Variants in ATP9A observed in about 807,000 individuals in gnomAD.
ATP9A encodes the protein ATPase phospholipid transporting 9A, also known as probable phospholipid-transporting ATPase IIA.
In ATP9A, 52 loss-of-function variants were observed where a neutral mutation model predicts 144.1. The ratio of observed to expected loss-of-function variants is 0.36; its 90% CI spans 0.29 to 0.45. ATP9A has a LOEUF of 0.45. ATP9A is among the 20% of genes least tolerant of loss of function. The pLI, the probability that ATP9A is intolerant of heterozygous loss-of-function variation, is 1.00. For synonymous variants in ATP9A, 582 were observed against 557.4 expected (o/e 1.04, Z -0.62); for missense variants, 947 against 1,392.7 (o/e 0.68, Z 5.09).
At chr20:51,736,380 C>G (rs2077762645) in intron 1 of ATP9A, among the ~76,000 whole-genome samples, 1 of 152,082 alleles carries the variant, frequency 6.6e-6, no homozygotes, top group Non-Finnish European at 1.5e-5. Flanking sequence ...TTTAAAAGGT[C>G]CCCCAGGCCA....
intron 1 of ATP9A, among the ~76,000 whole-genome samples, chr20:51,759,796 C>A (rs1368816420): frequency 1.3e-5 from 2 of 152,158 alleles, no homozygotes; most frequent in East Asian, 3.8e-4. Context: ...CACACACCCA[C>A]CCCACTATAT....
At chr20:51,759,695 T>C (rs1029268560) in intron 1 of ATP9A, among the ~76,000 whole-genome samples, 7 of 151,644 alleles carry the variant, frequency 4.6e-5, no homozygotes, top group East Asian at 1.9e-4. Context: ...TAATAATAAA[T>C]AAAATTAAAA....
intron 25 of ATP9A, 106 bp downstream of exon 25, chr20:51,608,412 G>C: frequency 1.3e-6 from 1 of 775,812 alleles, no homozygotes; most frequent in Non-Finnish European, 2.3e-6. Flanking sequence ...ATCAGAATTG[G>C]AGGGTCTGTG....
At position 51,670,129 on chromosome 20, in the gene ATP9A, A is replaced by T. The variant is rs759555358; in HGVS notation, c.1181-20T>A. On this transcript the variant is annotated intron_variant, in intron 12 of 27. Transcript: ENST00000338821. The stretch of plus-strand genomic sequence containing the variant: ...GAGTGCCTAAAACACAAGACAAATG[A>T]GTGGCCGGCCTGTCTCTCAGGATGT... 1.5e-5 allele frequency: 24 copies of T among 1,572,134 alleles called. No homozygotes were observed. The highest frequency in any genetic ancestry group is 2.0e-5 in the Non-Finnish European group (23 of 1,141,884).
intron 9 of ATP9A, among the ~76,000 whole-genome samples, chr20:51,678,266 G>A (rs1393907881): frequency 2.0e-5 from 3 of 152,050 alleles, no homozygotes; most frequent in African/African-American, 7.2e-5. Context: ...CAAGCAATTT[G>A]GTCTCTGCCA....
At chr20:51,682,883 G>A (rs8122903) in intron 9 of ATP9A, among the ~76,000 whole-genome samples, 38,715 of 146,720 alleles carry the variant, frequency 0.26, 5,964 homozygotes, top group African/African-American at 0.43. Flanking sequence ...CTGAGTCACC[G>A]CATTCAAGAC....
intron 8 of ATP9A, 30 bp from the exon 9 acceptor site, chr20:51,689,169 C>G (rs761546499): frequency 6.2e-6 from 10 of 1,603,488 alleles, no homozygotes; most frequent in Non-Finnish European, 8.5e-6. Context: ...CACACGTTCA[C>G]CCCCCAAAGC....
At chr20:51,632,231 AC>A (rs1228126329) in intron 15 of ATP9A, among the ~76,000 whole-genome samples, 1 of 152,024 alleles carries the variant, frequency 6.6e-6, no homozygotes, top group African/African-American at 2.4e-5. Context: ...ACAGGTGTGC[AC>A]CACCATGCCC....
intron 1 of ATP9A, among the ~76,000 whole-genome samples, chr20:51,740,980 G>A (rs868293149): frequency 1.3e-4 from 19 of 151,340 alleles, no homozygotes; most frequent in South Asian, 8.3e-4. Flanking sequence ...CACCTTGGCG[G>A]CTTCTACCAC....
intron 9 of ATP9A, among the ~76,000 whole-genome samples, chr20:51,680,407 T>C (rs912410462): frequency 6.6e-6 from 1 of 152,038 alleles, no homozygotes; most frequent in African/African-American, 2.4e-5. Context: ...TCTCACCTTC[T>C]AAGAGGTGGC....
intron 2 of ATP9A, among the ~76,000 whole-genome samples, chr20:51,727,786 C>T (rs1249931689): frequency 6.6e-6 from 1 of 151,782 alleles, no homozygotes; most frequent in East Asian, 1.9e-4. Context: ...AAAAAAGTAG[C>T]CGGACATGGG....
chr20:51,678,944 C>A (rs1376418261), intron 9 of ATP9A, among the ~76,000 whole-genome samples: 2 of 152,180 alleles, frequency 1.3e-5, no homozygotes, highest in African/African-American at 2.4e-5. Context: ...GACGCACACA[C>A]CGGATGCGCC....
In ATP9A at chr20:51,607,599, G is replaced by C; in HGVS notation, c.2746-15C>G. On this transcript the variant is annotated splice_polypyrimidine_tract_variant and intron_variant, in intron 25 of 27. Transcript: ENST00000338821. ...AACGGCCGTCCCTGAATGAGAGACA[G>C]AGAAAGGTTAGAGCCGGTTTCGCGG... The C allele has an allele frequency of 6.2e-7, 1 of 1,610,030 alleles. No homozygotes were observed. Among genetic ancestry groups the C allele is most frequent in the Non-Finnish European group, 8.5e-7 (1 of 1,176,520 alleles).
In ATP9A at chr20:51,597,945, C is replaced by T. The variant is rs1267205549; in HGVS notation, c.*3266G>A. The T allele has an allele frequency of 2.0e-5, 3 of 151,892 alleles. No homozygotes were observed. In the East Asian group the frequency reaches 5.8e-4, roughly 29 times the overall value. 9.4% of individuals were successfully genotyped at this position (151,892 alleles called of 1,614,324 possible). A position where few individuals can be genotyped will look rare whatever the true frequency, so the allele number is the denominator to read the frequency against. ...GAACTGGGATGGGAATTTTACAATG[C>T]TAGTTCCAGCACGTGGTCTAATGGC... is the stretch of plus-strand genomic sequence containing the variant. On this transcript the variant is annotated 3_prime_UTR_variant, in exon 28 of 28. Coordinates refer to ENST00000338821, the MANE Select transcript of ATP9A (RefSeq NM_006045.3).
In ATP9A at chr20:51,600,133, G is replaced by A. The variant is rs889906526; in HGVS notation, c.*1078C>T. 6.6e-6 allele frequency: 1 copy of A among 152,208 alleles called. No individual in the cohort carries two copies. The highest frequency in any genetic ancestry group is 1.5e-5 in the Non-Finnish European group (1 of 68,042). 9.4% of individuals were successfully genotyped at this position (152,208 alleles called of 1,614,324 possible). A position where few individuals can be genotyped will look rare whatever the true frequency, so the allele number is the denominator to read the frequency against. Reference sequence around the variant, plus strand: ...TAGCTTGGGCGTCCTCCCACCAGGGGTTCCTTGTTCTGAAAGCTGCCACCA... The same window carrying A: ...TAGCTTGGGCGTCCTCCCACCAGGGATTCCTTGTTCTGAAAGCTGCCACCA... On this transcript the variant is annotated 3_prime_UTR_variant, in exon 28 of 28. Coordinates refer to ENST00000338821, the MANE Select transcript of ATP9A (RefSeq NM_006045.3).
At chr20:51,672,697 A>G (rs545620383) in intron 11 of ATP9A, among the ~76,000 whole-genome samples, 2 of 152,356 alleles carry the variant, frequency 1.3e-5, no homozygotes, top group Admixed American at 6.5e-5. Flanking sequence ...AAGACAGAGT[A>G]TAAGCACTAA....
chr20:51,671,726 C>T (rs1487573948), intron 11 of ATP9A, among the ~76,000 whole-genome samples: 4 of 152,062 alleles, frequency 2.6e-5, no homozygotes, highest in Non-Finnish European at 4.4e-5. Flanking sequence ...TCAACAATAA[C>T]GCCCCATCCC....
chr20:51,728,836 A>G (rs1221971784), intron 2 of ATP9A, among the ~76,000 whole-genome samples: 1 of 151,786 alleles, frequency 6.6e-6, no homozygotes, highest in African/African-American at 2.4e-5. Context: ...CTATCACTCA[A>G]TATCTAACAC....
rs1429308006 is a variant in ATP9A, at chr20:51,639,367, G to C, written c.1644C>G (p.Ser548Arg). 1 of 1,613,732 alleles carries C rather than the reference G, an allele frequency of 6.2e-7. No individual in the cohort carries two copies. The highest frequency in any genetic ancestry group is 2.2e-5 in the East Asian group (1 of 44,870). Residue 548 changes from serine (S) to arginine (R), a missense_variant, in exon 15 of 28, where the codon AGC (serine) becomes AGG (arginine). By Grantham distance (110) the Ser-to-Arg change is moderately radical. This residue lies in a region of ATP9A where 770 missense variants were observed against 1,047.9 expected (regional missense o/e 0.73). Transcript: ENST00000338821. ...CCCGCACGATGATGCCCATACGTTT[G>C]CTTTCATAGGTGAAAGGGAAGATCT... ...ILQIFPFTYESKRMGIIVRDE... is the reference protein window; with the variant it reads ...ILQIFPFTYERKRMGIIVRDE...
Sources: allele counts gnomAD v4.1 joint callset (sites outside exome capture counted in the v4.1 genomes callset), GRCh38; gene constraint gnomAD v4.1.1; regional missense constraint gnomAD v4.1.1; transcripts MANE v1.5; gene names NCBI Gene and HGNC (gene_info 2026-07-23, HGNC 2026-07-21).